The following DMRTB1 variants were observed in gnomAD, a reference collection of about 807,000 sequenced individuals.
The protein encoded by DMRTB1 is doublesex- and mab-3-related transcription factor B1.
DMRTB1 carries 9 observed loss-of-function variants against 25.2 expected under a neutral mutation model. That is an observed-to-expected ratio of 0.36 (90% confidence interval 0.22 to 0.62). The LOEUF is 0.62. DMRTB1 is among the 20% of genes least tolerant of loss of function. The probability of loss-of-function intolerance (pLI) is 0.71; values close to 1 mark genes in which losing one functional copy is unlikely to be tolerated. For synonymous variants in DMRTB1, 269 were observed against 238.1 expected, an observed-to-expected ratio of 1.13 and a Z score of -1.20; for missense variants, 551 against 499.3, an observed-to-expected ratio of 1.10 and a Z score of -0.99.
chr1:53,462,448 G>A (rs1644027567), intron 2 of DMRTB1, among the ~76,000 whole-genome samples: 1 of 152,190 alleles, frequency 6.6e-6, no homozygotes, highest in African/African-American at 2.4e-5. Flanking sequence ...AGGTCACTGG[G>A]TCCTCACTCC....
At position 53,459,543 on chromosome 1, in the gene DMRTB1, C is replaced by T; in HGVS notation, c.90C>T (p.Cys30=). Residue 30 remains cysteine, a synonymous_variant, in exon 1 of 4, where the codon TGC becomes TGT. Transcript: ENST00000371445. ...CCGTCAAGGGACACGCGGGCAAATGCCGCTGGAAGCAGTGCCTCTGCGAGA... is the reference window on the plus strand; with the variant it reads ...CCGTCAAGGGACACGCGGGCAAATGTCGCTGGAAGCAGTGCCTCTGCGAGA... ...LVPVKGHAGK[C]RWKQCLCEKC... The T allele has an allele frequency of 6.2e-7, 1 of 1,612,400 alleles. No individual in the cohort carries two copies. The highest frequency in any genetic ancestry group is 8.5e-7 in the Non-Finnish European group (1 of 1,179,656).
chr1:53,461,357 CGGGGT>C, intron 1 of DMRTB1, 111 bp from the exon 2 acceptor site: 1 of 1,095,158 alleles, frequency 9.1e-7, no homozygotes, highest in Non-Finnish European at 1.3e-6. Context: ...GAAGGAAGTG[CGGGGT>C]GGGCTTTCTG....
chr1:53,464,734 T>C lies in DMRTB1; in HGVS notation c.848T>C (p.Phe283Ser). Reference sequence around the variant, plus strand: ...CCACCGCTTCCACCGCAGCCCCAGTTCCTCCCGCCAGGCTACCTCTCTGCG... The same window carrying C: ...CCACCGCTTCCACCGCAGCCCCAGTCCCTCCCGCCAGGCTACCTCTCTGCG... Reference protein sequence around the residue: ...PLPPLPPQPQFLPPGYLSALH... With the variant: ...PLPPLPPQPQSLPPGYLSALH... Residue 283 changes from phenylalanine to serine, a missense_variant, in exon 3 of 4, where the codon TTC becomes TCC. By Grantham distance (155) the Phe-to-Ser change is radical (BLOSUM62 -2). Transcript: ENST00000371445. 6.2e-7 allele frequency: 1 copy of C among 1,613,076 alleles called. No individual in the cohort carries two copies. The highest frequency in any genetic ancestry group is 8.5e-7 in the Non-Finnish European group (1 of 1,179,620).
At chr1:53,463,197 C>T (rs1169617295) in intron 2 of DMRTB1, among the ~76,000 whole-genome samples, 2 of 152,216 alleles carry the variant, frequency 1.3e-5, no homozygotes, top group Non-Finnish European at 2.9e-5. Context: ...GTTTCAAACC[C>T]AAGAGCCCCT....
chr1:53,460,050 C>T lies in DMRTB1; in HGVS notation c.577+20C>T. On this transcript the variant is annotated intron_variant, in intron 1 of 3. Transcript: ENST00000371445. The stretch of plus-strand genomic sequence containing the variant: ...ACTTTGGTAAGTCGTGGCCTTGGTC[C>T]CGCGGTCGACTCCCGGAGCTGGCAG... The T allele has an allele frequency of 6.5e-7, 1 of 1,542,192 alleles. No individual in the cohort carries two copies. The highest frequency in any genetic ancestry group is 8.7e-7 in the Non-Finnish European group (1 of 1,152,890).
At position 53,464,759 on chromosome 1, in the gene DMRTB1, G is replaced by A. The variant is rs1644042100; in HGVS notation, c.873G>A (p.Ala291=). 3.7e-6 allele frequency: 6 copies of A among 1,613,128 alleles called. No homozygotes were observed. Among genetic ancestry groups the A allele is most frequent in the Non-Finnish European group, 4.2e-6 (5 of 1,179,544 alleles). The part of the protein sequence containing the change: ...PQFLPPGYLS[A]LHFLPPPPPP... The stretch of plus-strand genomic sequence containing the variant: ...TCCTCCCGCCAGGCTACCTCTCTGC[G>A]CTCCACTTCCTCCCCCCGCCACCGC... Residue 291 remains alanine (A), a synonymous_variant, in exon 3 of 4, where the codon GCG becomes GCA. Coordinates refer to ENST00000371445, the MANE Select transcript of DMRTB1 (RefSeq NM_033067.3).
At chr1:53,464,054 C>T (rs556897794) in intron 2 of DMRTB1, among the ~76,000 whole-genome samples, 16 of 152,334 alleles carry the variant, frequency 1.1e-4, no homozygotes, top group African/African-American at 2.2e-4. Flanking sequence ...GAAACAGCTG[C>T]GCTACACCCA....
In DMRTB1 at chr1:53,466,003, A is replaced by G. The variant is rs748455269; in HGVS notation, c.962-592A>G. Among the ~76,000 whole-genome samples, 75 of 152,376 alleles carry G rather than the reference A, an allele frequency of 4.9e-4. 1 individual carries two copies. Among genetic ancestry groups the G allele is most frequent in the Admixed American group, 3.9e-3 (59 of 15,306 alleles). ...GCAAGGTGGATACGTCTCATTTTAC[A>G]GAAGGGGAAGCTGAGGTTCAGAGCT... is the stretch of plus-strand genomic sequence containing the variant. On this transcript the variant is annotated intron_variant, in intron 3 of 3. Transcript: ENST00000371445.
At position 53,459,915 on chromosome 1, in the gene DMRTB1, GC is replaced by G. The variant is rs1644009602; in HGVS notation, c.465del (p.Ser156AlafsTer20). On this transcript the variant is annotated frameshift_variant, in exon 1 of 4. Coordinates refer to ENST00000371445, the MANE Select transcript of DMRTB1 (RefSeq NM_033067.3). LOFTEE classifies it high-confidence loss of function. The stretch of plus-strand genomic sequence containing the variant: ...CGAGCGAGCGAGCCGCCGTGGCGAT[GC>G]CCAGCCTTGCGGGACCCCCTTTTGG... ...EPSERAAVAM[P>X]SLAGPPFGAE... 1 of 1,552,152 alleles carries G rather than the reference GC, an allele frequency of 6.4e-7. No homozygotes were observed. The highest frequency in any genetic ancestry group is 8.6e-7 in the Non-Finnish European group (1 of 1,158,776).
At position 53,459,648 on chromosome 1, in the gene DMRTB1, G is replaced by C. The variant is rs1330869088; in HGVS notation, c.195G>C (p.Gln65His). Reference protein sequence around the residue: ...VLKTQAAEEEQEAALCAQGPK... With the variant: ...VLKTQAAEEEHEAALCAQGPK... ...AGACGCAGGCCGCCGAGGAGGAGCA[G>C]GAGGCGGCCCTGTGTGCGCAGGGGC... The change falls in exon 1 of 4, where the codon CAG becomes CAC. Residue 65 changes from glutamine (Q) to histidine (H), a missense_variant. Physicochemically the swap from Gln to His is conservative, Grantham distance 24 (BLOSUM62 0). Transcript: ENST00000371445. 2 of 1,553,448 alleles carry C rather than the reference G, an allele frequency of 1.3e-6. No individual in the cohort carries two copies. The highest frequency in any genetic ancestry group is 8.7e-7 in the Non-Finnish European group (1 of 1,149,708).
chr1:53,466,619 C>A lies in DMRTB1; in HGVS notation c.986C>A (p.Ser329Ter). Residue 329 changes from serine to a stop codon, truncating the protein, a stop_gained, in exon 4 of 4, where the codon TCG becomes TAG. Transcript: ENST00000371445. LOFTEE classifies it high-confidence loss of function. ...NTDDQDAEVL[S>*]GEPSQPSSQE... ...GATGACCAGGATGCAGAGGTACTGT[C>A]GGGTGAGCCCAGCCAGCCATCGTCT... 6.2e-7 allele frequency: 1 copy of A among 1,614,236 alleles called. No individual in the cohort carries two copies. The highest frequency in any genetic ancestry group is 2.2e-5 in the East Asian group (1 of 44,882).
At chr1:53,461,195 C>T (rs1252012287) in intron 1 of DMRTB1, among the ~76,000 whole-genome samples, 2 of 152,166 alleles carry the variant, frequency 1.3e-5, no homozygotes, top group African/African-American at 4.8e-5. Context: ...GGCACTGAGG[C>T]CTCAGAGAGG....
chr1:53,461,860 ATGGCCTGTGCTT>A (rs1644024935), intron 2 of DMRTB1, among the ~76,000 whole-genome samples: 1 of 152,186 alleles, frequency 6.6e-6, no homozygotes, highest in Admixed American at 6.5e-5. Flanking sequence ...GGCTTGGGCT[ATGGCCTGTGCTT>A]TTCAGGGCAG....
chr1:53,460,008 C>T lies in DMRTB1; in HGVS notation c.555C>T (p.Pro185=), dbSNP rs1373261718. 4.4e-6 allele frequency: 7 copies of T among 1,582,236 alleles called. No homozygotes were observed. Among genetic ancestry groups the T allele is most frequent in the African/African-American group, 1.4e-5 (1 of 73,380 alleles). The stretch of plus-strand genomic sequence containing the variant: ...TGCGCAGGCCGATGCGGACCGTGCC[C>T]GGCCCACTGTTCACCGACTTTGGTA... ...LDLRRPMRTV[P]GPLFTDFVRP... is the part of the protein sequence containing the mutation. Residue 185 remains proline (P), a synonymous_variant, in exon 1 of 4, where the codon CCC becomes CCT. Transcript: ENST00000371445.
At position 53,459,858 on chromosome 1, in the gene DMRTB1, G is replaced by C; in HGVS notation, c.405G>C (p.Gln135His). 6.7e-7 allele frequency: 1 copy of C among 1,498,344 alleles called. No individual in the cohort carries two copies. Among genetic ancestry groups the C allele is most frequent in the Non-Finnish European group, 8.8e-7 (1 of 1,132,530 alleles). The allele number at this position is 1,498,344 out of a possible 1,614,324, so 92.8% of individuals were successfully genotyped here. ...GGAACCCCGGCCCGAGAGCCCTCCA[G>C]CCGGTTCTGGGCGGCCGCAGCCACG... Reference protein sequence around the residue: ...RGRNPGPRALQPVLGGRSHVE... With the variant: ...RGRNPGPRALHPVLGGRSHVE... The change falls in exon 1 of 4, where the codon CAG (glutamine) becomes CAC (histidine). Residue 135 changes from glutamine to histidine, a missense_variant. Gln to His is a conservative substitution (Grantham distance 24, BLOSUM62 0). Coordinates refer to ENST00000371445, the MANE Select transcript of DMRTB1 (RefSeq NM_033067.3).
chr1:53,464,578 G>A (rs1457853747), intron 2 of DMRTB1, 59 bp from the exon 3 acceptor site: 1 of 1,611,030 alleles, frequency 6.2e-7, no homozygotes, highest in African/African-American at 1.3e-5. Flanking sequence ...GCTATGTTTG[G>A]TCAGCCCATC....
At chr1:53,466,508 A>T in intron 3 of DMRTB1, 87 bp from the exon 4 acceptor site, 2 of 1,355,716 alleles carry the variant, frequency 1.5e-6, no homozygotes, top group Non-Finnish European at 2.1e-6. Context: ...TTAAAATAAA[A>T]TAAGAAAAAA....
Position 53,460,424 on chromosome 1 carries a change from A to G in DMRTB1, c.577+394A>G, listed in dbSNP as rs1168782873. ...GAGGCTCCTCCTCCAGAATAACAGA[A>G]TTTTCCTGCCGGCACGTTAGCGCAA... On this transcript the variant is annotated intron_variant, in intron 1 of 3. Transcript: ENST00000371445. The G allele has an allele frequency of 2.5e-5, 4 of 162,378 alleles. No individual in the cohort carries two copies. In the Admixed American group the frequency reaches 2.5e-4, roughly 10 times the overall value. The allele number at this position is 162,378 out of a possible 1,614,324, so 10.1% of individuals were successfully genotyped here.
At chr1:53,466,058 T>TGTGAC (rs1368960944) in intron 3 of DMRTB1, among the ~76,000 whole-genome samples, 1 of 152,188 alleles carries the variant, frequency 6.6e-6, no homozygotes, top group Non-Finnish European at 1.5e-5. Flanking sequence ...CCTCCCAGCT[T>TGTGAC]GTGACGAGCA....
Sources: gnomAD v4.1 joint callset for allele counts (sites outside exome capture counted in the v4.1 genomes callset) on GRCh38, gnomAD v4.1.1 for gene constraint, MANE v1.5 for transcripts, NCBI Gene and HGNC (gene_info 2026-07-23, HGNC 2026-07-21) for gene names.